CDH18: variants seen among roughly 807,000 people sequenced by gnomAD.
CDH18 encodes cadherin 18.
Under a neutral mutation model 67.9 loss-of-function variants are expected in CDH18, and 31 were observed. The ratio of observed to expected loss-of-function variants is 0.46; its 90% CI spans 0.34 to 0.62. CDH18 has a LOEUF of 0.62. Ranked by LOEUF, CDH18 falls within the 20% of genes least tolerant of loss-of-function variation. The pLI, the probability that CDH18 is intolerant of heterozygous loss-of-function variation, is 0.01. For missense variants in CDH18, 890 were observed against 975.5 expected (o/e 0.91, Z 1.17); for synonymous variants, 362 against 347.2 (o/e 1.04, Z -0.48).
chr5:19,537,866 T>C (rs1286287253), intron 9 of CDH18, among the ~76,000 whole-genome samples: 4 of 152,160 alleles, frequency 2.6e-5, no homozygotes, highest in Non-Finnish European at 5.9e-5. Flanking sequence ...CATGAGTTAA[T>C]TGAAAGATAC....
At chr5:20,561,274 A>G (rs1355239866) in intron 1 of CDH18, among the ~76,000 whole-genome samples, 1 of 152,134 alleles carries the variant, frequency 6.6e-6, no homozygotes, top group African/African-American at 2.4e-5. Flanking sequence ...AATAAGTTGA[A>G]CATTTACATA....
At chr5:20,255,060 A>C (rs1744129098) in intron 2 of CDH18, among the ~76,000 whole-genome samples, 2 of 152,202 alleles carry the variant, frequency 1.3e-5, no homozygotes, top group Admixed American at 1.3e-4. Context: ...TCTCGCTTAT[A>C]AATGAGAGCT....
At chr5:20,084,232 C>T (rs1744744328) in intron 2 of CDH18, among the ~76,000 whole-genome samples, 1 of 152,210 alleles carries the variant, frequency 6.6e-6, no homozygotes, top group South Asian at 2.1e-4. Context: ...AAAGGGGCTA[C>T]AGGTCCCATG....
At chr5:19,517,304 C>G (rs1403269474) in intron 10 of CDH18, among the ~76,000 whole-genome samples, 1 of 151,972 alleles carries the variant, frequency 6.6e-6, no homozygotes, top group East Asian at 1.9e-4. Context: ...TTGTATTTTG[C>G]CCATTTTCAA....
chr5:20,086,414 T>G (rs183600173), intron 2 of CDH18, among the ~76,000 whole-genome samples: 19 of 152,360 alleles, frequency 1.2e-4, no homozygotes, highest in Middle Eastern at 3.4e-3. Context: ...AGATCATTGA[T>G]AAATGTAGCT....
In CDH18 at chr5:20,187,405, T is replaced by A. The variant is rs1260384358; in HGVS notation, c.-518+68039A>T. Among the ~76,000 whole-genome samples the A allele has an allele frequency of 2.0e-5, 3 of 151,884 alleles. No homozygotes were observed. The East Asian group carries it at 5.8e-4, about 29-fold the overall frequency. Reference sequence around the variant, plus strand: ...GAATGTACTATAAAATTTCTTCCTTTTGTAGAAGACAAATGGGACCAAGAC... The same window carrying A: ...GAATGTACTATAAAATTTCTTCCTTATGTAGAAGACAAATGGGACCAAGAC... On this transcript the variant is annotated intron_variant, in intron 2 of 14. Coordinates refer to the CDH18 transcript ENST00000507958.
chr5:20,213,576 G>T (rs150787595), intron 2 of CDH18, among the ~76,000 whole-genome samples: 1 of 151,948 alleles, frequency 6.6e-6, no homozygotes, highest in Non-Finnish European at 1.5e-5. Flanking sequence ...TTTGTTCAGG[G>T]TTTCAATTTC....
intron 10 of CDH18, among the ~76,000 whole-genome samples, chr5:19,508,707 AGTTACTGTTACT>A (rs980217769): frequency 1.3e-5 from 2 of 152,102 alleles, no homozygotes; most frequent in Non-Finnish European, 2.9e-5. Context: ...TGTTAATTAG[AGTTACTGTTACT>A]GTTACTGTTA....
intron 7 of CDH18, among the ~76,000 whole-genome samples, chr5:19,576,381 T>C (rs2149962072): frequency 6.8e-6 from 1 of 146,416 alleles, no homozygotes; most frequent in East Asian, 1.9e-4. Flanking sequence ...ATGAAGGAAC[T>C]CAAACTACTC....
chr5:19,866,025 G>A (rs560477683), intron 2 of CDH18, among the ~76,000 whole-genome samples: 1 of 152,204 alleles, frequency 6.6e-6, no homozygotes, highest in African/African-American at 2.4e-5. Context: ...CGATATTTTT[G>A]TCAAATCTGG....
intron 2 of CDH18, among the ~76,000 whole-genome samples, chr5:20,155,891 T>C (rs759973127): frequency 6.6e-6 from 1 of 152,110 alleles, no homozygotes; most frequent in African/African-American, 2.4e-5. Context: ...TGTAGGTATG[T>C]GGCTTTACTT....
At chr5:20,542,548 A>G (rs1237521872) in intron 1 of CDH18, among the ~76,000 whole-genome samples, 1 of 151,702 alleles carries the variant, frequency 6.6e-6, no homozygotes, top group Non-Finnish European at 1.5e-5. Context: ...ATATGGATAT[A>G]TATACATATA....
At chr5:19,584,283 T>C in intron 7 of CDH18, among the ~76,000 whole-genome samples, 1 of 152,200 alleles carries the variant, frequency 6.6e-6, no homozygotes. Flanking sequence ...TTGGCAATTT[T>C]CTGATGAAGG....
chr5:20,425,612 T>C (rs966111832), intron 1 of CDH18, among the ~76,000 whole-genome samples: 1 of 151,024 alleles, frequency 6.6e-6, no homozygotes, highest in African/African-American at 2.5e-5. Context: ...TGACAAATCT[T>C]AAATAGTAAA....
At chr5:20,020,316 G>C (rs930194329) in intron 2 of CDH18, among the ~76,000 whole-genome samples, 1 of 152,208 alleles carries the variant, frequency 6.6e-6, no homozygotes, top group Admixed American at 6.5e-5. Context: ...ATTTAATGGG[G>C]AGGAATTCAA....
intron 1 of CDH18, among the ~76,000 whole-genome samples, chr5:20,324,621 C>A (rs972537656): frequency 6.6e-6 from 1 of 152,106 alleles, no homozygotes; most frequent in Admixed American, 6.5e-5. Flanking sequence ...TCATGGGAGT[C>A]TTTACTGAAA....
At chr5:19,566,050 A>T (rs889701620) in intron 8 of CDH18, among the ~76,000 whole-genome samples, 1 of 152,236 alleles carries the variant, frequency 6.6e-6, no homozygotes, top group East Asian at 1.9e-4. Context: ...ATCTGAATAA[A>T]AAATGGGCAA....
intron 2 of CDH18, among the ~76,000 whole-genome samples, chr5:20,216,275 G>A (rs1740761569): frequency 6.6e-6 from 1 of 151,822 alleles, no homozygotes; most frequent in Non-Finnish European, 1.5e-5. Context: ...TTGGAAAAAT[G>A]GCACCAAAAG....
intron 5 of CDH18, among the ~76,000 whole-genome samples, chr5:19,688,683 A>T (rs1761449975): frequency 6.6e-6 from 1 of 152,168 alleles, no homozygotes; most frequent in East Asian, 1.9e-4. Context: ...TTTCAGCAAC[A>T]GATTTCAATA....
Sources: gnomAD v4.1 joint callset for allele counts (sites outside exome capture counted in the v4.1 genomes callset) on GRCh38, gnomAD v4.1.1 for gene constraint, MANE v1.5 for transcripts, NCBI Gene and HGNC (gene_info 2026-07-23, HGNC 2026-07-21) for gene names.